Variants in WDHD1 observed in about 807,000 individuals in gnomAD.
WDHD1 encodes WD repeat and HMG-box DNA-binding protein 1.
WDHD1 carries 111 observed loss-of-function variants against 135.4 expected under a neutral mutation model. The ratio of observed to expected loss-of-function variants is 0.82; its 90% confidence interval spans 0.70 to 0.96. The LOEUF is 0.96. Ranked by LOEUF, WDHD1 falls within the 40% of genes least tolerant of loss-of-function variation. The pLI is 0.00. For missense variants in WDHD1, 1,351 were observed against 1,336.3 expected, an observed-to-expected ratio of 1.01 and a Z score of -0.17; for synonymous variants, 434 against 439.0, an observed-to-expected ratio of 0.99 and a Z score of 0.14.
chr14:55,026,942 A>G, intron 1 of WDHD1, 86 bp downstream of exon 1: 2 of 742,220 alleles, frequency 2.7e-6, no homozygotes, highest in East Asian at 2.7e-5. Flanking sequence ...CACCAGCGGG[A>G]TAAGGCAGAG....
At chr14:55,005,133 C>A in intron 7 of WDHD1, 1 of 534,882 alleles carries the variant, frequency 1.9e-6, no homozygotes, top group South Asian at 1.4e-5. Context: ...GAAATGGTGC[C>A]ACACATGCGA....
chr14:55,013,206 A>AAAAAAAAAAAAAT, intron 3 of WDHD1, among the ~76,000 whole-genome samples: 1 of 151,140 alleles, frequency 6.6e-6, no homozygotes, highest in Non-Finnish European at 1.5e-5. Context: ...AAAAAAAAAA[A>AAAAAAAAAAAAAT]AAAAAAAAAA....
intron 2 of WDHD1, 145 bp downstream of exon 2, chr14:55,026,566 A>G: frequency 1.3e-6 from 1 of 781,842 alleles, no homozygotes; most frequent in Non-Finnish European, 2.1e-6. Flanking sequence ...ATCAAACAAT[A>G]ATCTAAAGAA....
intron 6 of WDHD1, 23 bp from the exon 7 acceptor site, chr14:55,007,398 T>C: frequency 1.3e-6 from 2 of 1,523,834 alleles, no homozygotes; most frequent in Non-Finnish European, 1.8e-6. Flanking sequence ...AAAAGAAAAT[T>C]TCTTTCCTTT....
chr14:55,026,503 TG>T (rs2140238148), intron 2 of WDHD1, among the ~76,000 whole-genome samples: 1 of 151,858 alleles, frequency 6.6e-6, no homozygotes, highest in Admixed American at 6.6e-5. Context: ...CCAACTCCTC[TG>T]GAAGTACGAT....
At chr14:54,998,593 C>T (rs1189851143) in intron 10 of WDHD1, among the ~76,000 whole-genome samples, 1 of 152,092 alleles carries the variant, frequency 6.6e-6, no homozygotes, top group East Asian at 1.9e-4. Flanking sequence ...TGTTTCTTTG[C>T]TACTTCTTCC....
chr14:54,966,364 ACTT>A, intron 18 of WDHD1, 108 bp downstream of exon 18: 6 of 1,324,504 alleles, frequency 4.5e-6, no homozygotes, highest in Non-Finnish European at 6.0e-6. Flanking sequence ...ACAAAAAAAA[ACTT>A]AAGAATCTTA....
chr14:54,986,405 C>T (rs1189412381), intron 14 of WDHD1, among the ~76,000 whole-genome samples: 2 of 152,100 alleles, frequency 1.3e-5, no homozygotes, highest in East Asian at 3.8e-4. Flanking sequence ...TGGGCTAAAG[C>T]AACTCTCCCG....
intron 16 of WDHD1, among the ~76,000 whole-genome samples, chr14:54,980,802 T>TTAAAA (rs1555368940): frequency 4.8e-5 from 4 of 83,624 alleles, no homozygotes; most frequent in Admixed American, 1.5e-4. Context: ...AGACTCCACA[T>TTAAAA]AAAAAAAAAA....
In WDHD1 at chr14:55,011,524, C is replaced by CAAAAAAAA. The variant is rs60615259; in HGVS notation, c.190-1072_190-1065dup. 2.1e-3 allele frequency among the ~76,000 whole-genome samples: 106 copies of CAAAAAAAA among 50,990 alleles called. 14 individuals carry two copies. Among genetic ancestry groups the CAAAAAAAA allele is most frequent in the African/African-American group, 8.4e-3 (103 of 12,332 alleles). 33.5% of individuals were successfully genotyped at this position (50,990 alleles called of 152,430 possible). ...AGGCAACAAGAGTGAAACTCTGTCT[C>CAAAAAAAA]AAAAAAAAAAAAAAAAAAAAAAAAA... On this transcript the variant is annotated intron_variant, in intron 3 of 25. Transcript: ENST00000360586.
At position 54,941,153 on chromosome 14, in the gene WDHD1, A is replaced by G. The variant is rs2040831489; in HGVS notation, c.*337T>C. On this transcript the variant is annotated 3_prime_UTR_variant, in exon 26 of 26. Coordinates refer to ENST00000360586, the MANE Select transcript of WDHD1 (RefSeq NM_007086.4). ...AAACCAAATGAACCAAACCCCTAGA[A>G]GGTATTAATGCACAAAGGTTTTAAT... is the stretch of plus-strand genomic sequence containing the variant. The G allele has an allele frequency of 5.6e-6, 1 of 179,802 alleles. No individual in the cohort carries two copies. The highest frequency in any genetic ancestry group is 1.2e-5 in the Non-Finnish European group (1 of 85,946). The allele number at this position is 179,802 out of a possible 1,614,324, so 11.1% of individuals were successfully genotyped here.
intron 24 of WDHD1, among the ~76,000 whole-genome samples, chr14:54,951,457 C>G (rs564279486): frequency 5.9e-5 from 9 of 152,076 alleles, no homozygotes; most frequent in African/African-American, 1.9e-4. Flanking sequence ...GGAAGAAGTT[C>G]AATCTCTGAA....
intron 25 of WDHD1, among the ~76,000 whole-genome samples, chr14:54,943,442 T>C (rs771608828): frequency 6.6e-6 from 1 of 152,206 alleles, no homozygotes; most frequent in Non-Finnish European, 1.5e-5. Context: ...TCACCCATGC[T>C]GGAGTACAGT....
intron 18 of WDHD1, among the ~76,000 whole-genome samples, chr14:54,965,572 G>A (rs1015318628): frequency 2.6e-5 from 4 of 152,304 alleles, no homozygotes; most frequent in East Asian, 1.9e-4. Flanking sequence ...TTGAGAGCCC[G>A]TTAAAACATA....
chr14:54,970,336 A>G (rs1456004515), intron 16 of WDHD1, among the ~76,000 whole-genome samples: 6 of 152,236 alleles, frequency 3.9e-5, no homozygotes, highest in Non-Finnish European at 8.8e-5. Flanking sequence ...ATCAATATAC[A>G]AAAATCAGTA....
chr14:54,984,939 T>C (rs1480467690), intron 14 of WDHD1, 79 bp from the exon 15 acceptor site: 1 of 1,558,026 alleles, frequency 6.4e-7, no homozygotes, highest in African/African-American at 1.4e-5. Context: ...TTCTGTGAAT[T>C]GATTTTGTGG....
chr14:55,011,649 T>TTG (rs1319987747), intron 3 of WDHD1, among the ~76,000 whole-genome samples: 1 of 141,582 alleles, frequency 7.1e-6, no homozygotes, highest in Non-Finnish European at 1.5e-5. Context: ...GTGTGTGTGT[T>TTG]TGTGTGTATA....
chr14:54,960,034 C>T (rs2041225655), intron 21 of WDHD1, among the ~76,000 whole-genome samples: 1 of 152,144 alleles, frequency 6.6e-6, no homozygotes, highest in African/African-American at 2.4e-5. Flanking sequence ...TCACTCTTTA[C>T]GCCCTGAACT....
At chr14:54,949,104 C>T (rs8004402) in intron 24 of WDHD1, among the ~76,000 whole-genome samples, 63,561 of 151,964 alleles carry the variant, frequency 0.42, 15,036 homozygotes, top group African/African-American at 0.65. Flanking sequence ...CCTCTCCCCC[C>T]CCAAAGGAAC....
Sources: gnomAD v4.1 joint callset for allele counts (sites outside exome capture counted in the v4.1 genomes callset) on GRCh38, gnomAD v4.1.1 for gene constraint, MANE v1.5 for transcripts, NCBI Gene and HGNC (gene_info 2026-07-23, HGNC 2026-07-21) for gene names.